The following MTUS2 variants were observed in gnomAD, a reference collection of about 807,000 sequenced individuals.
The protein encoded by MTUS2 is microtubule associated scaffold protein 2, also known as microtubule-associated tumor suppressor candidate 2.
MTUS2 carries 40 observed loss-of-function variants against 114.1 expected under a neutral mutation model. The ratio of observed to expected loss-of-function variants is 0.35; its 90% CI spans 0.27 to 0.46. MTUS2 has a LOEUF of 0.46. Ranked by LOEUF, MTUS2 falls within the 20% of genes least tolerant of loss-of-function variation. The pLI, the probability that MTUS2 is intolerant of heterozygous loss-of-function variation, is 1.00. For synonymous variants in MTUS2, 688 were observed against 672.0 expected (o/e 1.02, Z -0.37); for missense variants, 1,679 against 1,705.4 (o/e 0.98, Z 0.27).
chr13:29,084,787 C>T (rs547749784), intron 4 of MTUS2, among the ~76,000 whole-genome samples: 1 of 112,262 alleles, frequency 8.9e-6, no homozygotes, highest in South Asian at 2.7e-4. Context: ...ATCCACCCCC[C>T]CCCCTCACCG....
rs1016057950 is a variant in MTUS2, at chr13:29,176,839, C to T, written c.2644+75869C>T. Among the ~76,000 whole-genome samples the T allele has an allele frequency of 4.0e-5, 6 of 151,354 alleles. 1 individual carries two copies. The highest frequency in any genetic ancestry group is 7.4e-5 in the African/African-American group (3 of 40,626). On this transcript the variant is annotated intron_variant, in intron 5 of 15. Coordinates refer to ENST00000612955, the MANE Select transcript of MTUS2 (RefSeq NM_001033602.4). Reference sequence around the variant, plus strand: ...TTGGCCATCTCCACATCTCTGCCATCGTTGGCACAGCAGCCTCCCTGCATC... The same window carrying T: ...TTGGCCATCTCCACATCTCTGCCATTGTTGGCACAGCAGCCTCCCTGCATC...
At position 29,113,925 on chromosome 13, in the gene MTUS2, G is replaced by A. The variant is rs898812716; in HGVS notation, c.2644+12955G>A. On this transcript the variant is annotated intron_variant, in intron 5 of 15. Transcript: ENST00000612955. ...GGGGGCGGTTTTCTTAAATGGCTTC[G>A]CACCATCCCCTTTGGTATGTCCTTG... 3.2e-4 allele frequency among the ~76,000 whole-genome samples: 48 copies of A among 151,988 alleles called. 1 individual carries two copies. Among genetic ancestry groups the A allele is most frequent in the African/African-American group, 2.9e-4 (12 of 41,370 alleles).
intron 2 of MTUS2, among the ~76,000 whole-genome samples, chr13:28,861,193 A>G (rs369325031): frequency 6.6e-6 from 1 of 152,330 alleles, no homozygotes; most frequent in South Asian, 2.1e-4. Context: ...GGGAAGTCCT[A>G]TGTGATAGAA....
rs1331607559 is a variant in MTUS2, at chr13:29,272,189, T to G, written c.2645-9515T>G. Among the ~76,000 whole-genome samples the G allele has an allele frequency of 2.0e-5, 3 of 152,226 alleles. No homozygotes were observed. In the East Asian group the frequency reaches 5.8e-4, roughly 29 times the overall value. ...GAAATAAAACATTCAGTTGATACTTTAATAATTAAACTAAATATTATCACC... is the reference window on the plus strand; with the variant it reads ...GAAATAAAACATTCAGTTGATACTTGAATAATTAAACTAAATATTATCACC... On this transcript the variant is annotated intron_variant, in intron 5 of 15. Transcript: ENST00000612955.
At position 29,184,158 on chromosome 13, in the gene MTUS2, C is replaced by T. The variant is rs188497560; in HGVS notation, c.2644+83188C>T. On this transcript the variant is annotated intron_variant, in intron 5 of 15. Coordinates refer to ENST00000612955, the MANE Select transcript of MTUS2 (RefSeq NM_001033602.4). ...TCAATATTTGTTTGCTGTTTTTTTT[C>T]GGTAAAATTTACTGGTGGCTAAATG... Among the ~76,000 whole-genome samples, 241 of 152,048 alleles carry T rather than the reference C, an allele frequency of 1.6e-3. 2 individuals are homozygous for T. Among genetic ancestry groups the T allele is most frequent in the Admixed American group, 8.3e-3 (126 of 15,262 alleles).
At chr13:29,392,477 G>A (rs980285587) in intron 8 of MTUS2, among the ~76,000 whole-genome samples, 3 of 152,186 alleles carry the variant, frequency 2.0e-5, no homozygotes, top group African/African-American at 7.2e-5. Flanking sequence ...CAGCTGAGGA[G>A]ACATCTCCTC....
At chr13:29,385,666 C>G (rs960742034) in intron 8 of MTUS2, among the ~76,000 whole-genome samples, 1 of 151,992 alleles carries the variant, frequency 6.6e-6, no homozygotes, top group African/African-American at 2.4e-5. Context: ...GTCCTTTTTC[C>G]CCAGCTTGGG....
chr13:29,199,144 A>G (rs1894830108), intron 5 of MTUS2, among the ~76,000 whole-genome samples: 2 of 152,184 alleles, frequency 1.3e-5, no homozygotes, highest in African/African-American at 4.8e-5. Flanking sequence ...AGACAATCCT[A>G]AGCAAAAAGA....
intron 5 of MTUS2, among the ~76,000 whole-genome samples, chr13:29,154,853 G>A (rs1019453766): frequency 4.6e-5 from 7 of 152,274 alleles, no homozygotes; most frequent in Admixed American, 3.3e-4. Flanking sequence ...CTTATATTTT[G>A]AGTCTATAAT....
chr13:29,094,253 G>A (rs1054443058), intron 4 of MTUS2, among the ~76,000 whole-genome samples: 6 of 151,908 alleles, frequency 3.9e-5, no homozygotes, highest in African/African-American at 1.4e-4. Flanking sequence ...TGGGTGGGGG[G>A]TGTAATTTGT....
intron 8 of MTUS2, among the ~76,000 whole-genome samples, chr13:29,367,292 G>C (rs1870800527): frequency 6.6e-6 from 1 of 152,156 alleles, no homozygotes; most frequent in Non-Finnish European, 1.5e-5. Flanking sequence ...GGAAGAACTT[G>C]AGCAGAGAGC....
intron 2 of MTUS2, among the ~76,000 whole-genome samples, chr13:28,912,726 T>C (rs1197640553): frequency 6.6e-6 from 1 of 152,024 alleles, no homozygotes; most frequent in African/African-American, 2.4e-5. Context: ...AGAGGTCCTT[T>C]ACTTCCCTTG....
chr13:28,987,964 C>T (rs1396228704), intron 2 of MTUS2, among the ~76,000 whole-genome samples: 2 of 152,212 alleles, frequency 1.3e-5, no homozygotes, highest in Non-Finnish European at 2.9e-5. Flanking sequence ...GCATTACTCT[C>T]TGCCTTGGCT....
intron 2 of MTUS2, among the ~76,000 whole-genome samples, chr13:28,842,219 T>G (rs1875560837): frequency 6.6e-6 from 1 of 152,180 alleles, no homozygotes. Context: ...TGGATTTTTT[T>G]TTTAATGAGT....
At position 29,025,793 on chromosome 13, in the gene MTUS2, C is replaced by G. The variant is rs1886509008; in HGVS notation, c.1095C>G (p.Asn365Lys). 1 of 1,613,892 alleles carries G rather than the reference C, an allele frequency of 6.2e-7. No individual in the cohort carries two copies. The highest frequency in any genetic ancestry group is 1.7e-5 in the Admixed American group (1 of 60,004). Residue 365 changes from asparagine to lysine, a missense_variant, in exon 3 of 16, where the codon AAC becomes AAG. By Grantham distance (94) the Asn-to-Lys change is moderately conservative. Around this residue, in one of 3 missense-constraint regions of MTUS2, gnomAD observed 843 missense variants for 770.8 expected, o/e 1.09. Coordinates refer to ENST00000612955, the MANE Select transcript of MTUS2 (RefSeq NM_001033602.4). ...CCGATGCACTTGGCCATCTGCTGAA[C>G]AGTGACCTCCACCACCTTGGGGTGG... ...EATDALGHLL[N>K]SDLHHLGVGR... is the part of the protein sequence containing the mutation.
intron 9 of MTUS2, among the ~76,000 whole-genome samples, chr13:29,472,318 A>G (rs1430964110): frequency 2.6e-5 from 4 of 152,160 alleles, no homozygotes; most frequent in East Asian, 3.9e-4. Context: ...CACCGTGCCC[A>G]GCCATGGTCC....
At chr13:28,852,194 A>G (rs1421631985) in intron 2 of MTUS2, among the ~76,000 whole-genome samples, 1 of 151,932 alleles carries the variant, frequency 6.6e-6, no homozygotes, top group Non-Finnish European at 1.5e-5. Flanking sequence ...ACCTGATCAC[A>G]CTATCTGGTG....
Position 29,281,419 on chromosome 13 carries a change from C to CTGTGTG in MTUS2, c.2645-260_2645-255dup, listed in dbSNP as rs10682778. Among the ~76,000 whole-genome samples, 1,165 of 146,628 alleles carry CTGTGTG rather than the reference C, an allele frequency of 7.9e-3. 17 individuals carry two copies. The highest frequency in any genetic ancestry group is 0.025 in the African/African-American group (1,013 of 39,928). The stretch of plus-strand genomic sequence containing the variant: ...TGTGTGTGCATGTATGTATGTATGT[C>CTGTGTG]TGTGTGTGTGTGTGTGTGTGTGTGT... On this transcript the variant is annotated intron_variant, in intron 5 of 15. Coordinates refer to ENST00000612955, the MANE Select transcript of MTUS2 (RefSeq NM_001033602.4).
intron 2 of MTUS2, among the ~76,000 whole-genome samples, chr13:29,021,419 A>G (rs1886286606): frequency 1.3e-5 from 2 of 151,818 alleles, no homozygotes; most frequent in Admixed American, 1.3e-4. Flanking sequence ...TTAAAATACA[A>G]CTCTTTCTAG....
Sources: allele counts gnomAD v4.1 joint callset (sites outside exome capture counted in the v4.1 genomes callset), GRCh38; gene constraint gnomAD v4.1.1; regional missense constraint gnomAD v4.1.1; transcripts MANE v1.5; gene names NCBI Gene and HGNC (gene_info 2026-07-23, HGNC 2026-07-21).